YAE1: variants seen among roughly 807,000 people sequenced by gnomAD.
The protein encoded by YAE1 is YAE1 maturation factor of ABCE1.
In YAE1, 22 loss-of-function variants were observed where a neutral mutation model predicts 23.0. That is an observed-to-expected ratio of 0.96 (90% CI 0.68 to 1.37). The LOEUF (loss-of-function observed/expected upper bound fraction) is 1.37, where lower values mean the gene tolerates loss of function less well. Among genes scored for constraint, YAE1 ranks in the 40% most tolerant of loss-of-function variants. The pLI, the probability that YAE1 is intolerant of heterozygous loss-of-function variation, is 0.00. For synonymous variants in YAE1, 101 were observed against 97.0 expected (o/e 1.04, Z -0.24); for missense variants, 260 against 262.1 (o/e 0.99, Z 0.06).
At position 39,566,457 on chromosome 7, in the gene YAE1, TG is replaced by T. The variant is rs748046701; in HGVS notation, c.41del (p.Gly14GlufsTer37). On this transcript the variant is annotated frameshift_variant, in exon 1 of 3. Transcript: ENST00000223273. LOFTEE classifies it high-confidence loss of function. ...AAGCAGCCTCCTTGATCCAGGGCCCTGGAGACAAAGGGGACGTGTTTGACGA... is the reference window on the plus strand; with the variant it reads ...AAGCAGCCTCCTTGATCCAGGGCCCTGAGACAAAGGGGACGTGTTTGACGA... ...VQAASLIQGPGDKGDVFDEEA... is the reference protein window; with the variant it reads ...VQAASLIQGPXDKGDVFDEEA... 6.2e-7 allele frequency: 1 copy of T among 1,614,074 alleles called. No homozygotes were observed. Among genetic ancestry groups the T allele is most frequent in the South Asian group, 1.1e-5 (1 of 91,080 alleles).
At chr7:39,609,202 A>T (rs887797620) in intron 2 of YAE1, among the ~76,000 whole-genome samples, 1 of 152,244 alleles carries the variant, frequency 6.6e-6, no homozygotes, top group Non-Finnish European at 1.5e-5. Context: ...GGAGGACTGG[A>T]GGCCCCCAGG....
chr7:39,606,489 G>T (rs552645642), intron 2 of YAE1, among the ~76,000 whole-genome samples: 1 of 152,162 alleles, frequency 6.6e-6, no homozygotes, highest in African/African-American at 2.4e-5. Context: ...GTGGCTCATA[G>T]CAAGAACAAA....
downstream of YAE1, among the ~76,000 whole-genome samples, chr7:39,610,888 C>G (rs1791204353): frequency 6.6e-6 from 1 of 152,160 alleles, no homozygotes; most frequent in South Asian, 2.1e-4. Flanking sequence ...TGGCTCATGC[C>G]TGTAATCCCA....
At chr7:39,576,797 A>G (rs940401460), downstream of YAE1, among the ~76,000 whole-genome samples, 17 of 151,934 alleles carry the variant, frequency 1.1e-4, no homozygotes, top group African/African-American at 3.9e-4. Flanking sequence ...TGATGAGAGA[A>G]AAAAAAAATG....
chr7:39,582,982 C>T (rs1433030566), intron 2 of YAE1, among the ~76,000 whole-genome samples: 1 of 152,128 alleles, frequency 6.6e-6, no homozygotes, highest in Non-Finnish European at 1.5e-5. Context: ...ACGTAAAAAT[C>T]CCACTTCTAG....
At chr7:39,590,369 G>T (rs985997409) in intron 2 of YAE1, among the ~76,000 whole-genome samples, 18 of 152,056 alleles carry the variant, frequency 1.2e-4, no homozygotes, top group African/African-American at 4.1e-4. Flanking sequence ...ATTGCTAAGG[G>T]TTTTATATGG....
At chr7:39,606,303 G>A (rs1027455576) in intron 2 of YAE1, among the ~76,000 whole-genome samples, 3 of 152,160 alleles carry the variant, frequency 2.0e-5, no homozygotes, top group African/African-American at 4.8e-5. Context: ...CAAAAATACA[G>A]AGACATTTTG....
At chr7:39,569,521 G>A (rs1326326256) in intron 1 of YAE1, 1 of 496,302 alleles carries the variant, frequency 2.0e-6, no homozygotes, top group African/African-American at 2.0e-5. Context: ...TTCAAAGGTT[G>A]AGCAGATTCT....
exon 3 of YAE1, chr7:39,609,805 G>A (rs1487097257): frequency 3.9e-5 from 60 of 1,531,436 alleles, no homozygotes; most frequent in Non-Finnish European, 5.0e-5. Context: ...GCCACTCCCC[G>A]CTTCCCCGCC....
chr7:39,568,273 A>G (rs1313568544), intron 1 of YAE1, among the ~76,000 whole-genome samples: 1 of 151,516 alleles, frequency 6.6e-6, no homozygotes, highest in Non-Finnish European at 1.5e-5. Flanking sequence ...ATATATATAT[A>G]GTTAATGATT....
intron 2 of YAE1, among the ~76,000 whole-genome samples, chr7:39,585,121 C>T (rs893108666): frequency 6.6e-6 from 1 of 152,188 alleles, no homozygotes; most frequent in African/African-American, 2.4e-5. Flanking sequence ...TAGAGTATCT[C>T]AGGCTGTGCT....
intron 2 of YAE1, among the ~76,000 whole-genome samples, chr7:39,585,939 CA>C (rs1013041102): frequency 6.6e-6 from 1 of 151,800 alleles, no homozygotes; most frequent in African/African-American, 2.4e-5. Flanking sequence ...CTCATCTCTA[CA>C]AAAAAATACA....
intron 2 of YAE1, among the ~76,000 whole-genome samples, chr7:39,594,362 G>A (rs1015153492): frequency 6.6e-6 from 1 of 152,168 alleles, no homozygotes; most frequent in Admixed American, 6.5e-5. Context: ...GAGTCTGTGA[G>A]TATTAGCTAC....
At chr7:39,583,074 G>C (rs542186588) in intron 2 of YAE1, among the ~76,000 whole-genome samples, 2 of 152,228 alleles carry the variant, frequency 1.3e-5, no homozygotes, top group African/African-American at 4.8e-5. Context: ...ATCTAGAGTA[G>C]AGAAAAATTA....
rs539472058 is a variant in YAE1, at chr7:39,602,640, T to C, written c.252-6977T>C. ...AGGTGGAGTGGCTGAATTCTATCAATGGGAAAATTCCTCTCTACGTTGTTT... is the reference window on the plus strand; with the variant it reads ...AGGTGGAGTGGCTGAATTCTATCAACGGGAAAATTCCTCTCTACGTTGTTT... On this transcript the variant is annotated intron_variant, in intron 2 of 2. Transcript: ENST00000432096. Among the ~76,000 whole-genome samples the C allele has an allele frequency of 2.0e-5, 3 of 152,366 alleles. No homozygotes were observed. In the South Asian group the frequency reaches 6.2e-4, roughly 32 times the overall value.
At chr7:39,580,808 TA>T (rs1304859337) in intron 2 of YAE1, among the ~76,000 whole-genome samples, 2 of 152,222 alleles carry the variant, frequency 1.3e-5, no homozygotes, top group African/African-American at 2.4e-5. Context: ...TGTTCTTGTT[TA>T]AATTCTAGGC....
At chr7:39,597,381 G>A (rs1790991313) in intron 2 of YAE1, among the ~76,000 whole-genome samples, 1 of 152,096 alleles carries the variant, frequency 6.6e-6, no homozygotes, top group Admixed American at 6.5e-5. Context: ...ACCAGCCTGG[G>A]CAACATAGTG....
chr7:39,595,816 A>T lies in YAE1; in HGVS notation c.252-13801A>T, dbSNP rs554717342. ...GAATGATGAGTTTAAAAATGAAAAG[A>T]ATAGAGATTCAGCACTCAAGGAACT... On this transcript the variant is annotated intron_variant, in intron 2 of 2. Coordinates refer to the YAE1 transcript ENST00000432096. 1.1e-4 allele frequency among the ~76,000 whole-genome samples: 16 copies of T among 152,334 alleles called. No individual in the cohort carries two copies. The East Asian group carries it at 3.1e-3, about 29-fold the overall frequency.
In YAE1 at chr7:39,572,856, C is replaced by T; in HGVS notation, c.*150C>T. 3.7e-6 allele frequency: 5 copies of T among 1,356,446 alleles called. No homozygotes were observed. Among genetic ancestry groups the T allele is most frequent in the Non-Finnish European group, 4.7e-6 (5 of 1,056,130 alleles). 84.0% of individuals were successfully genotyped at this position (1,356,446 alleles called of 1,614,324 possible). On this transcript the variant is annotated 3_prime_UTR_variant, in exon 3 of 3. Coordinates refer to ENST00000223273, the MANE Select transcript of YAE1 (RefSeq NM_020192.5). ...TTAACACTATTGTCTTCAAAATTAA[C>T]ACTATTAAATGTAATATAAGCCTTT...
Sources: gnomAD v4.1 joint callset for allele counts (sites outside exome capture counted in the v4.1 genomes callset) on GRCh38, gnomAD v4.1.1 for gene constraint, MANE v1.5 for transcripts, NCBI Gene and HGNC (gene_info 2026-07-23, HGNC 2026-07-21) for gene names.